GLIS1: variants seen among roughly 807,000 people sequenced by gnomAD.
GLIS1 encodes zinc finger protein GLIS1.
A neutral mutation model predicts 63.8 loss-of-function variants in GLIS1; 24 were observed. The ratio of observed to expected loss-of-function variants is 0.38; its 90% CI spans 0.27 to 0.53. The LOEUF is 0.53. Ranked by LOEUF, GLIS1 falls within the 20% of genes least tolerant of loss-of-function variation. GLIS1 has a pLI of 0.85. For synonymous variants in GLIS1, 450 were observed against 482.5 expected (o/e 0.93, Z 0.88); for missense variants, 1,036 against 1,074.1 (o/e 0.96, Z 0.50).
chr1:53,664,965 T>C (rs1570011795), intron 2 of GLIS1, among the ~76,000 whole-genome samples: 1 of 151,802 alleles, frequency 6.6e-6, no homozygotes, highest in African/African-American at 2.4e-5. Context: ...GGGAGGGCAG[T>C]ACAAAATGAG....
At chr1:53,631,765 G>A (rs1645654274) in intron 2 of GLIS1, among the ~76,000 whole-genome samples, 2 of 152,110 alleles carry the variant, frequency 1.3e-5, no homozygotes, top group African/African-American at 4.8e-5. Context: ...ACCTGAAGCA[G>A]GTGAGGGATT....
intron 7 of GLIS1, among the ~76,000 whole-genome samples, chr1:53,518,999 T>C (rs1644379976): frequency 6.6e-6 from 1 of 152,218 alleles, no homozygotes; most frequent in African/African-American, 2.4e-5. Flanking sequence ...ACCTTTGCCC[T>C]GGGGGCAGCA....
chr1:53,633,008 GTGAA>G (rs1645680316), intron 2 of GLIS1, among the ~76,000 whole-genome samples: 2 of 147,920 alleles, frequency 1.4e-5, no homozygotes, highest in Non-Finnish European at 3.0e-5. Context: ...ACTGAGGGGT[GTGAA>G]TGAGTGTGAC....
intron 2 of GLIS1, among the ~76,000 whole-genome samples, chr1:53,652,064 G>C (rs1295890421): frequency 1.3e-5 from 2 of 152,146 alleles, no homozygotes; most frequent in Non-Finnish European, 2.9e-5. Flanking sequence ...GGCGGAGGCA[G>C]AAGACTACAG....
intron 2 of GLIS1, among the ~76,000 whole-genome samples, chr1:53,640,755 G>C (rs895186699): frequency 3.3e-5 from 5 of 152,130 alleles, no homozygotes; most frequent in African/African-American, 1.2e-4. Context: ...TAAAACCCAG[G>C]CAGTAGTCTG....
intron 2 of GLIS1, among the ~76,000 whole-genome samples, chr1:53,724,917 G>C (rs181649027): frequency 9.2e-5 from 14 of 152,260 alleles, no homozygotes; most frequent in African/African-American, 3.4e-4. Context: ...AAATGAGGAG[G>C]AGAAAGAGGA....
At chr1:53,584,876 A>G (rs1645119647) in intron 4 of GLIS1, among the ~76,000 whole-genome samples, 1 of 152,212 alleles carries the variant, frequency 6.6e-6, no homozygotes. Context: ...TCCAGCAGAG[A>G]CAGAGTCTAT....
intron 2 of GLIS1, among the ~76,000 whole-genome samples, chr1:53,604,216 G>A (rs1446072419): frequency 6.6e-6 from 1 of 152,170 alleles, no homozygotes; most frequent in African/African-American, 2.4e-5. Context: ...AGGGAAACAT[G>A]TTGTCCCCAG....
At chr1:53,707,334 T>C (rs895929148) in intron 2 of GLIS1, among the ~76,000 whole-genome samples, 1 of 152,234 alleles carries the variant, frequency 6.6e-6, no homozygotes, top group Non-Finnish European at 1.5e-5. Flanking sequence ...CAACATGTTC[T>C]GTTGCAGGAT....
At chr1:53,567,866 C>T (rs1010388540) in intron 4 of GLIS1, among the ~76,000 whole-genome samples, 3 of 152,214 alleles carry the variant, frequency 2.0e-5, no homozygotes, top group South Asian at 4.1e-4. Context: ...TTTCAAAGGA[C>T]GTATGGAAAT....
chr1:53,586,795 C>T (rs993649722), intron 4 of GLIS1, among the ~76,000 whole-genome samples: 1 of 152,206 alleles, frequency 6.6e-6, no homozygotes, highest in Non-Finnish European at 1.5e-5. Context: ...TGGGAAACTA[C>T]TCAGGAAGAC....
chr1:53,630,914 G>A (rs1239689719), intron 2 of GLIS1, among the ~76,000 whole-genome samples: 2 of 152,172 alleles, frequency 1.3e-5, no homozygotes, highest in African/African-American at 4.8e-5. Context: ...ATAGCTAGTG[G>A]GGGCGAATAT....
chr1:53,523,393 C>G (rs2100303618), intron 6 of GLIS1, among the ~76,000 whole-genome samples: 1 of 152,324 alleles, frequency 6.6e-6, no homozygotes, highest in South Asian at 2.1e-4. Flanking sequence ...CGCTGTCTCC[C>G]TATCCCAGGG....
chr1:53,573,073 C>T (rs1003499278), intron 4 of GLIS1, among the ~76,000 whole-genome samples: 6 of 152,162 alleles, frequency 3.9e-5, no homozygotes, highest in African/African-American at 1.4e-4. Flanking sequence ...GTTTATGGGT[C>T]CATCTTCTTG....
intron 3 of GLIS1, among the ~76,000 whole-genome samples, chr1:53,599,565 A>G (rs548402590): frequency 6.6e-6 from 1 of 152,380 alleles, no homozygotes; most frequent in Non-Finnish European, 1.5e-5. Flanking sequence ...TGTAACAGAA[A>G]ATAGACTAAG....
chr1:53,703,257 C>T (rs1215827616), intron 2 of GLIS1, among the ~76,000 whole-genome samples: 1 of 152,160 alleles, frequency 6.6e-6, no homozygotes, highest in African/African-American at 2.4e-5. Flanking sequence ...CTCTATTTCA[C>T]AGATAAGAAA....
intron 2 of GLIS1, among the ~76,000 whole-genome samples, chr1:53,656,892 G>A (rs1423258401): frequency 6.6e-6 from 1 of 152,230 alleles, no homozygotes; most frequent in African/African-American, 2.4e-5. Flanking sequence ...ACCGCAGACA[G>A]GTACGTGCAA....
intron 3 of GLIS1, among the ~76,000 whole-genome samples, chr1:53,596,562 G>T (rs1569889106): frequency 2.0e-5 from 3 of 152,224 alleles, no homozygotes; most frequent in Admixed American, 2.0e-4. Context: ...ACAGCCCTCT[G>T]CGAAGGGGAT....
intron 2 of GLIS1, among the ~76,000 whole-genome samples, chr1:53,686,287 G>C (rs1570046878): frequency 6.6e-6 from 1 of 152,206 alleles, no homozygotes; most frequent in South Asian, 2.1e-4. Flanking sequence ...TGCCAAGTCA[G>C]ACCGTGGCCC....
Sources: allele counts gnomAD v4.1 joint callset (sites outside exome capture counted in the v4.1 genomes callset), GRCh38; gene constraint gnomAD v4.1.1; transcripts MANE v1.5; gene names NCBI Gene and HGNC (gene_info 2026-07-23, HGNC 2026-07-21).